Variants in DCAF13 observed in about 807,000 individuals in gnomAD.
DCAF13 encodes DDB1 and CUL4 associated factor 13.
Under a neutral mutation model 59.0 loss-of-function variants are expected in DCAF13, and 38 were observed. The ratio of observed to expected loss-of-function variants is 0.64; its 90% CI spans 0.50 to 0.84. The LOEUF (loss-of-function observed/expected upper bound fraction) is 0.84, where lower values mean the gene tolerates loss of function less well. Ranked by LOEUF, DCAF13 falls within the 40% of genes least tolerant of loss-of-function variation. The pLI is 0.00. For missense variants in DCAF13, 469 were observed against 558.4 expected (o/e 0.84, Z 1.61); for synonymous variants, 173 against 175.0 (o/e 0.99, Z 0.09).
Position 103,426,079 on chromosome 8 carries a change from G to A in DCAF13, c.402G>A (p.Lys134=). 6.2e-7 allele frequency: 1 copy of A among 1,612,682 alleles called. No individual in the cohort carries two copies. Among genetic ancestry groups the A allele is most frequent in the East Asian group, 2.2e-5 (1 of 44,758 alleles). ...AGGTTGGTGATGACAAAACTGTGAA[G>A]CAGTGGAAAATGGATGGGCCAGGCT... The part of the protein sequence containing the change: ...FFTVGDDKTV[K]QWKMDGPGYG... Residue 134 remains lysine (K), a synonymous_variant, in exon 4 of 11, where the codon AAG becomes AAA. Transcript: ENST00000612750.
intron 1 of DCAF13, among the ~76,000 whole-genome samples, chr8:103,418,971 C>T (rs1268117104): frequency 6.8e-6 from 1 of 146,092 alleles, no homozygotes; most frequent in African/African-American, 2.5e-5. Flanking sequence ...GCAACCTCCA[C>T]CTCCCAGGTT....
At position 103,421,056 on chromosome 8, in the gene DCAF13, C is replaced by CG; in HGVS notation, c.353dup (p.Phe119LeufsTer11). On this transcript the variant is annotated frameshift_variant, in exon 3 of 11. Transcript: ENST00000612750. LOFTEE classifies it high-confidence loss of function. Reference sequence around the variant, plus strand: ...AGGCTTTGTACGAGGAATATGTACTCGCTTTTGTGGGACTTCTTTTTTCAC... The same window carrying CG: ...AGGCTTTGTACGAGGAATATGTACTCGGCTTTTGTGGGACTTCTTTTTTCAC... The CG allele has an allele frequency of 6.2e-7, 1 of 1,612,272 alleles. No individual in the cohort carries two copies. The highest frequency in any genetic ancestry group is 8.5e-7 in the Non-Finnish European group (1 of 1,178,434).
chr8:103,421,020 C>A lies in DCAF13; in HGVS notation c.316C>A (p.Gln106Lys), dbSNP rs745753981. ...TCAGCGGAATTGTATCCGTACAATA[C>A]AAGCACATGAAGGCTTTGTACGAGG... The part of the protein sequence containing the change: ...LTQRNCIRTI[Q>K]AHEGFVRGIC... Residue 106 changes from glutamine to lysine, a missense_variant, in exon 3 of 11, where the codon CAA (glutamine) becomes AAA (lysine). By Grantham distance (53) the Gln-to-Lys change is moderately conservative. Around this residue, in one of 3 missense-constraint regions of DCAF13, gnomAD observed 355 missense variants for 399.1 expected, o/e 0.89. Transcript: ENST00000612750. The A allele has an allele frequency of 6.2e-7, 1 of 1,613,820 alleles. No individual in the cohort carries two copies. Among genetic ancestry groups the A allele is most frequent in the Admixed American group, 1.7e-5 (1 of 60,022 alleles).
At chr8:103,421,556 C>G (rs775237892) in intron 3 of DCAF13, among the ~76,000 whole-genome samples, 1 of 152,188 alleles carries the variant, frequency 6.6e-6, no homozygotes, top group Non-Finnish European at 1.5e-5. Flanking sequence ...TTTCATCATC[C>G]CCAGCTGAAA....
intron 5 of DCAF13, chr8:103,429,977 A>T (rs551022319): frequency 6.6e-6 from 1 of 152,236 alleles, no homozygotes; most frequent in Non-Finnish European, 1.5e-5. Context: ...TGGGGGGGAA[A>T]TGTTTATTGA....
intron 10 of DCAF13, chr8:103,441,859 G>A (rs556045071): frequency 1.5e-5 from 6 of 400,070 alleles, no homozygotes; most frequent in Non-Finnish European, 2.2e-5. Flanking sequence ...TCCGCCTCCC[G>A]GGTTCATGCC....
chr8:103,440,139 G>A lies in DCAF13; in HGVS notation c.954G>A (p.Glu318=). Reference sequence around the variant, plus strand: ...TAACTTAATTCGTTTTCTATAGGGAGGTATATCATACAAAGAGAATGCAAC... The same window carrying A: ...TAACTTAATTCGTTTTCTATAGGGAAGTATATCATACAAAGAGAATGCAAC... The part of the protein sequence containing the change: ...IFPVDKSRSR[E]VYHTKRMQHV... Residue 318 remains glutamate (E), a synonymous_variant, in exon 9 of 11, where the codon GAG becomes GAA. Transcript: ENST00000612750. 1 of 1,574,784 alleles carries A rather than the reference G, an allele frequency of 6.4e-7. No individual in the cohort carries two copies. Among genetic ancestry groups the A allele is most frequent in the Non-Finnish European group, 8.6e-7 (1 of 1,166,552 alleles).
intron 1 of DCAF13, among the ~76,000 whole-genome samples, chr8:103,416,366 T>C (rs1336827449): frequency 1.3e-5 from 2 of 152,260 alleles, no homozygotes; most frequent in African/African-American, 4.8e-5. Flanking sequence ...AAATATAAAT[T>C]AGATTTGTCA....
At position 103,441,534 on chromosome 8, in the gene DCAF13, G is replaced by C; in HGVS notation, c.1166G>C (p.Arg389Pro). 1 of 1,608,862 alleles carries C rather than the reference G, an allele frequency of 6.2e-7. No homozygotes were observed. The highest frequency in any genetic ancestry group is 8.5e-7 in the Non-Finnish European group (1 of 1,178,738). The change falls in exon 10 of 11, where the codon CGT becomes CCT. Residue 389 changes from arginine to proline, a missense_variant. By Grantham distance (103) the Arg-to-Pro change is moderately radical (BLOSUM62 -2). Transcript: ENST00000612750. ...EKFQHYPHIK[R>P]IARHRHLPKS... ...TTTCAGCATTATCCTCATATAAAACGTATAGCTCGTCATCGACATCTACCA... is the reference window on the plus strand; with the variant it reads ...TTTCAGCATTATCCTCATATAAAACCTATAGCTCGTCATCGACATCTACCA...
intron 8 of DCAF13, 63 bp from the exon 9 acceptor site, chr8:103,440,073 G>T: frequency 1.6e-6 from 2 of 1,277,590 alleles, no homozygotes; most frequent in Non-Finnish European, 2.1e-6. Flanking sequence ...TACTTAATAG[G>T]CAGTGGTTAC....
intron 3 of DCAF13, among the ~76,000 whole-genome samples, chr8:103,423,650 G>C (rs1392477387): frequency 6.6e-6 from 1 of 152,168 alleles, no homozygotes; most frequent in Non-Finnish European, 1.5e-5. Context: ...CTTGACAATT[G>C]CTATGAAAGT....
At chr8:103,429,832 T>C (rs1586130904) in intron 5 of DCAF13, 2 of 152,316 alleles carry the variant, frequency 1.3e-5, no homozygotes, top group East Asian at 3.9e-4. Flanking sequence ...CACATTGTAG[T>C]GTATACTGGT....
chr8:103,422,404 T>C (rs1254511830), intron 3 of DCAF13, among the ~76,000 whole-genome samples: 1 of 152,018 alleles, frequency 6.6e-6, no homozygotes, highest in African/African-American at 2.4e-5. Flanking sequence ...GAGGAAAATA[T>C]AGAAATACAA....
chr8:103,421,180 G>A, intron 3 of DCAF13, 98 bp downstream of exon 3: 1 of 868,400 alleles, frequency 1.2e-6, no homozygotes, highest in South Asian at 1.4e-5. Context: ...TTGTTCCTAG[G>A]CCCTTTTGGA....
At chr8:103,434,847 T>C (rs1816912216) in intron 7 of DCAF13, among the ~76,000 whole-genome samples, 1 of 152,122 alleles carries the variant, frequency 6.6e-6, no homozygotes, top group South Asian at 2.1e-4. Flanking sequence ...AAAGTATAGT[T>C]TCTCATTTTG....
At chr8:103,419,410 A>G (rs1172301725) in intron 1 of DCAF13, among the ~76,000 whole-genome samples, 2 of 152,228 alleles carry the variant, frequency 1.3e-5, no homozygotes, top group Non-Finnish European at 2.9e-5. Flanking sequence ...TTTTTGGAAC[A>G]GCGCCTGGCA....
intron 1 of DCAF13, 70 bp downstream of exon 1, chr8:103,415,586 A>G: frequency 6.8e-7 from 1 of 1,463,360 alleles, no homozygotes; most frequent in African/African-American, 1.4e-5. Context: ...GCTTTCGCGG[A>G]GTAAAGCCGG....
chr8:103,422,294 C>G (rs968707608), intron 3 of DCAF13, among the ~76,000 whole-genome samples: 6 of 152,080 alleles, frequency 3.9e-5, no homozygotes, highest in African/African-American at 1.4e-4. Context: ...TTTACAGATG[C>G]AGGTCTGGAG....
intron 2 of DCAF13, chr8:103,420,712 T>G (rs1816710971): frequency 3.4e-6 from 2 of 582,076 alleles, no homozygotes; most frequent in Non-Finnish European, 6.0e-6. Flanking sequence ...TAAGTATGAG[T>G]TTTTTCACAG....
Sources: gnomAD v4.1 joint callset for allele counts (sites outside exome capture counted in the v4.1 genomes callset) on GRCh38, gnomAD v4.1.1 for gene constraint, gnomAD v4.1.1 regional missense constraint, MANE v1.5 for transcripts, NCBI Gene and HGNC (gene_info 2026-07-23, HGNC 2026-07-21) for gene names.